The following C11orf52 variants were observed in gnomAD, a reference collection of about 807,000 sequenced individuals.
The protein encoded by C11orf52 is chromosome 11 open reading frame 52.
A neutral mutation model predicts 11.7 loss-of-function variants in C11orf52; 9 were observed. The observed-to-expected ratio is 0.77, with a 90% CI of 0.46 to 1.34. The LOEUF (loss-of-function observed/expected upper bound fraction) is 1.34, where lower values mean the gene tolerates loss of function less well. Among genes scored for constraint, C11orf52 ranks in the 40% most tolerant of loss-of-function variants. C11orf52 has a pLI of 0.00. For missense variants in C11orf52, 139 were observed against 154.8 expected (o/e 0.90, Z 0.54); for synonymous variants, 49 against 57.4 (o/e 0.85, Z 0.66).
chr11:111,923,117 G>C (rs1965726569), intron 1 of C11orf52, among the ~76,000 whole-genome samples: 1 of 152,196 alleles, frequency 6.6e-6, no homozygotes, highest in South Asian at 2.1e-4. Flanking sequence ...AGTAGGTAAA[G>C]AGTAGTAACA....
At chr11:111,925,586 T>G (rs1592521758) in intron 2 of C11orf52, 67 bp from the exon 3 acceptor site, 1 of 1,500,584 alleles carries the variant, frequency 6.7e-7, no homozygotes, top group East Asian at 2.3e-5. Flanking sequence ...AATAGTGATT[T>G]GAAGAAGGCA....
intron 1 of C11orf52, among the ~76,000 whole-genome samples, chr11:111,920,127 G>A (rs985473971): frequency 3.9e-5 from 6 of 151,918 alleles, no homozygotes; most frequent in African/African-American, 9.7e-5. Flanking sequence ...CCCAGGAGAC[G>A]GAGCTTGCAG....
At chr11:111,923,938 A>G (rs1965742275) in intron 1 of C11orf52, among the ~76,000 whole-genome samples, 1 of 152,158 alleles carries the variant, frequency 6.6e-6, no homozygotes, top group South Asian at 2.1e-4. Context: ...AAAGCACTGA[A>G]GAAGAGGCAA....
At position 111,926,307 on chromosome 11, in the gene C11orf52, G is replaced by A. The variant is rs1965808372; in HGVS notation, c.*108G>A. Reference sequence around the variant, plus strand: ...CCCAGGGATGTTGTCCACGTTTTAAGCTTAAAGAACTCCAAAGCCCCTGGA... The same window carrying A: ...CCCAGGGATGTTGTCCACGTTTTAAACTTAAAGAACTCCAAAGCCCCTGGA... On this transcript the variant is annotated 3_prime_UTR_variant, in exon 4 of 4. Coordinates refer to ENST00000278601, the MANE Select transcript of C11orf52 (RefSeq NM_080659.3). The A allele has an allele frequency of 6.6e-7, 1 of 1,507,194 alleles. No homozygotes were observed. Among genetic ancestry groups the A allele is most frequent in the African/African-American group, 1.4e-5 (1 of 71,856 alleles). The allele number at this position is 1,507,194 out of a possible 1,614,324, so 93.4% of individuals were successfully genotyped here. A position where few individuals can be genotyped will look rare whatever the true frequency, so the allele number is the denominator to read the frequency against.
At chr11:111,920,525 G>A (rs1180391040) in intron 1 of C11orf52, among the ~76,000 whole-genome samples, 5 of 151,436 alleles carry the variant, frequency 3.3e-5, no homozygotes, top group South Asian at 2.1e-4. Flanking sequence ...GCAACAGAGC[G>A]AGACTATGTC....
At chr11:111,921,092 C>A (rs886380974) in intron 1 of C11orf52, among the ~76,000 whole-genome samples, 1 of 152,308 alleles carries the variant, frequency 6.6e-6, no homozygotes, top group South Asian at 2.1e-4. Context: ...GCCTTCCATG[C>A]CTGGGGCAGA....
At chr11:111,920,542 A>C (rs2137399009) in intron 1 of C11orf52, among the ~76,000 whole-genome samples, 1 of 152,082 alleles carries the variant, frequency 6.6e-6, no homozygotes, top group South Asian at 2.1e-4. Flanking sequence ...TGTCTTGAAA[A>C]AAAAAAAGAA....
chr11:111,924,645 C>T (rs587698194), intron 2 of C11orf52, among the ~76,000 whole-genome samples: 1 of 152,190 alleles, frequency 6.6e-6, no homozygotes, highest in East Asian at 1.9e-4. Context: ...GTGTGGGTCC[C>T]AAGGAGGCAG....
chr11:111,923,229 CAGG>C (rs1186260994), intron 1 of C11orf52, among the ~76,000 whole-genome samples: 1 of 152,186 alleles, frequency 6.6e-6, no homozygotes, highest in Non-Finnish European at 1.5e-5. Flanking sequence ...TAGAAAAACA[CAGG>C]AGTAGTTTTT....
intron 1 of C11orf52, 28 bp downstream of exon 1, chr11:111,919,032 A>C (rs1555166305): frequency 1.9e-6 from 3 of 1,613,810 alleles, no homozygotes; most frequent in South Asian, 2.2e-5. Context: ...GCAAAGGGGA[A>C]CATCTATCTC....
intron 1 of C11orf52, among the ~76,000 whole-genome samples, chr11:111,919,688 G>A (rs1269734672): frequency 6.6e-6 from 1 of 152,066 alleles, no homozygotes; most frequent in Non-Finnish European, 1.5e-5. Context: ...AATACTTTAT[G>A]AGGTAAATGG....
chr11:111,921,524 T>C (rs1446137172), intron 1 of C11orf52, among the ~76,000 whole-genome samples: 1 of 152,204 alleles, frequency 6.6e-6, no homozygotes, highest in East Asian at 1.9e-4. Flanking sequence ...AACAAAAATA[T>C]GTGTTTCCTG....
At chr11:111,919,129 A>G (rs992146048) in intron 1 of C11orf52, 125 bp downstream of exon 1, 20 of 1,079,656 alleles carry the variant, frequency 1.9e-5, no homozygotes, top group Non-Finnish European at 2.5e-5. Flanking sequence ...TCTGCCTGGT[A>G]CCTCCTTGTT....
At chr11:111,919,707 CT>C (rs1425784994) in intron 1 of C11orf52, among the ~76,000 whole-genome samples, 1 of 152,094 alleles carries the variant, frequency 6.6e-6, no homozygotes, top group African/African-American at 2.4e-5. Flanking sequence ...GGTTTTGCCC[CT>C]CCTCCTATTT....
intron 1 of C11orf52, 196 bp downstream of exon 1, chr11:111,919,200 C>T (rs1775323953): frequency 4.6e-6 from 3 of 646,264 alleles, no homozygotes; most frequent in African/African-American, 1.8e-5. Flanking sequence ...AGTGGCTGGG[C>T]GCGGTGGCTC....
chr11:111,919,148 A>G lies in C11orf52; in HGVS notation c.32+144A>G, dbSNP rs1965645958. On this transcript the variant is annotated intron_variant, in intron 1 of 3. Coordinates refer to ENST00000278601, the MANE Select transcript of C11orf52 (RefSeq NM_080659.3). The stretch of plus-strand genomic sequence containing the variant: ...CCTGGTACCTCCTTGTTCCAACACC[A>G]GAGCAGCACCTCCTTTCAGGAGGCC... 3.3e-6 allele frequency: 3 copies of G among 904,202 alleles called. No homozygotes were observed. In the Admixed American group the frequency reaches 6.9e-5, roughly 21 times the overall value. 56.0% of individuals were successfully genotyped at this position (904,202 alleles called of 1,614,324 possible). A position where few individuals can be genotyped will look rare whatever the true frequency, so the allele number is the denominator to read the frequency against.
intron 1 of C11orf52, 172 bp from the exon 2 acceptor site, chr11:111,924,154 G>A (rs1592520425): frequency 1.6e-6 from 1 of 644,388 alleles, no homozygotes. Flanking sequence ...TGGGAGAGGT[G>A]TGGTACCCTT....
chr11:111,919,181 A>T (rs1965646471), intron 1 of C11orf52, 177 bp downstream of exon 1: 2 of 732,306 alleles, frequency 2.7e-6, no homozygotes, highest in South Asian at 3.6e-5. Flanking sequence ...GCCTTAGAAG[A>T]CAGAGCCAAG....
rs781873000 is a variant in C11orf52 at position 111,919,010 on chromosome 11, T to G, written c.32+6T>G. ...GTCTGCTGCGGAGGAAGCTGGTGAG[T>G]AGGCTGGAAGGGCAAAGGGGAACAT... On this transcript the variant is annotated splice_donor_region_variant and intron_variant, in intron 1 of 3. Coordinates refer to ENST00000278601, the MANE Select transcript of C11orf52 (RefSeq NM_080659.3). 13 of 1,613,860 alleles carry G rather than the reference T, an allele frequency of 8.1e-6. No homozygotes were observed. In the Admixed American group the frequency reaches 2.2e-4, roughly 27 times the overall value.
Sources: gnomAD v4.1 joint callset for allele counts (sites outside exome capture counted in the v4.1 genomes callset) on GRCh38, gnomAD v4.1.1 for gene constraint, MANE v1.5 for transcripts, NCBI Gene and HGNC (gene_info 2026-07-23, HGNC 2026-07-21) for gene names.